Variants in RUVBL2 observed in about 807,000 individuals in gnomAD.
RUVBL2 encodes the protein RuvB like AAA ATPase 2.
RUVBL2 carries 9 observed loss-of-function variants against 57.9 expected under a neutral mutation model. That is an observed-to-expected ratio of 0.16 (90% CI 0.09 to 0.27). RUVBL2 has a LOEUF of 0.27. RUVBL2 is among the 10% of genes least tolerant of loss of function. RUVBL2 has a pLI of 1.00. For synonymous variants in RUVBL2, 278 were observed against 264.6 expected (o/e 1.05, Z -0.49); for missense variants, 456 against 669.6 (o/e 0.68, Z 3.52).
chr19:49,003,524 G>C (rs2039224197), intron 3 of RUVBL2, among the ~76,000 whole-genome samples, 190 bp downstream of exon 3: 1 of 152,178 alleles, frequency 6.6e-6, no homozygotes, highest in Non-Finnish European at 1.5e-5. Flanking sequence ...GGTGGCTCAT[G>C]CCTGTAATCT....
At chr19:48,994,136 G>A (rs1379940365) in intron 1 of RUVBL2, 2 of 598,720 alleles carry the variant, frequency 3.3e-6, no homozygotes, top group Admixed American at 5.8e-5. Context: ...GGAGGGGGCT[G>A]GGATCCCAGA....
intron 4 of RUVBL2, 109 bp from the exon 5 acceptor site, chr19:49,006,909 G>A: frequency 7.0e-7 from 1 of 1,424,142 alleles, no homozygotes; most frequent in South Asian, 1.3e-5. Context: ...ATGTAGGATG[G>A]CACTGAACCC....
intron 2 of RUVBL2, among the ~76,000 whole-genome samples, chr19:49,002,454 G>C (rs1387718681): frequency 6.6e-6 from 1 of 152,142 alleles, no homozygotes; most frequent in East Asian, 1.9e-4. Flanking sequence ...CCCTCTCGCT[G>C]GCTGTGTGGC....
chr19:49,003,398 G>A (rs1362656795), intron 3 of RUVBL2, 64 bp downstream of exon 3: 2 of 1,444,338 alleles, frequency 1.4e-6, no homozygotes, highest in East Asian at 2.3e-5. Flanking sequence ...TGGGTACCCA[G>A]GGTCCTGGGG....
Position 49,011,121 on chromosome 19 carries a change from G to C in RUVBL2, c.882+28G>C, listed in dbSNP as rs766861788. 11 of 1,607,466 alleles carry C rather than the reference G, an allele frequency of 6.8e-6. No homozygotes were observed. In the East Asian group the frequency reaches 2.5e-4, roughly 36 times the overall value. ...GAGGACCCAGGACATGGCCGGGGCG[G>C]GTGGTGGGGTGGAGGTGGGCCGGGG... On this transcript the variant is annotated intron_variant, in intron 10 of 14. Coordinates refer to ENST00000595090, the MANE Select transcript of RUVBL2 (RefSeq NM_006666.3). The surrounding 1 kb of genome is among the most constrained non-coding windows in gnomAD (Gnocchi z 4.4).
At chr19:48,999,610 C>T (rs1334092526) in intron 2 of RUVBL2, among the ~76,000 whole-genome samples, 1 of 152,018 alleles carries the variant, frequency 6.6e-6, no homozygotes, top group Non-Finnish European at 1.5e-5. Flanking sequence ...GTGGGGTTCC[C>T]GGGTATGTTT....
intron 2 of RUVBL2, among the ~76,000 whole-genome samples, chr19:49,000,517 G>A (rs1307734027): frequency 1.3e-5 from 2 of 152,162 alleles, no homozygotes; most frequent in Non-Finnish European, 2.9e-5. Flanking sequence ...TCATGCCATT[G>A]CACTCCAGCC....
chr19:48,999,337 C>T lies in RUVBL2; in HGVS notation c.31C>T (p.Pro11Ser). The T allele has an allele frequency of 2.5e-6, 4 of 1,614,184 alleles. 1 individual carries two copies. In the Middle Eastern group the frequency reaches 4.9e-4, roughly 200 times the overall value. The change falls in exon 2 of 15, where the codon CCG (proline) becomes TCG (serine). Residue 11 changes from proline to serine, a missense_variant. Transcript: ENST00000595090. ...CCCCCAGACAGCCACAACCAAAGTC[C>T]CGGAGATCCGTGATGTAACAAGGAT... MATVTATTKVPEIRDVTRIER... is the reference protein window; with the variant it reads MATVTATTKVSEIRDVTRIER...
At chr19:49,010,956 G>T (rs376941116) in intron 9 of RUVBL2, 43 bp from the exon 10 acceptor site, 1 of 1,551,342 alleles carries the variant, frequency 6.4e-7, no homozygotes, top group African/African-American at 1.4e-5. Flanking sequence ...CCTGGAACCC[G>T]CCTCCTCTCT....
intron 2 of RUVBL2, among the ~76,000 whole-genome samples, chr19:49,001,801 G>A (rs1170769142): frequency 1.3e-5 from 2 of 151,508 alleles, no homozygotes; most frequent in East Asian, 3.9e-4. Context: ...TAGTAGAGAC[G>A]TGGTTTCACT....
At chr19:49,009,301 T>A (rs886778637) in intron 6 of RUVBL2, among the ~76,000 whole-genome samples, 24 of 146,624 alleles carry the variant, frequency 1.6e-4, no homozygotes, top group Admixed American at 3.4e-4. Flanking sequence ...ATCCTGGCTA[T>A]CACAGTGAAA....
chr19:48,994,044 G>A (rs1485366701), intron 1 of RUVBL2, 121 bp downstream of exon 1: 1 of 1,230,954 alleles, frequency 8.1e-7, no homozygotes, highest in African/African-American at 1.5e-5. Flanking sequence ...TCAGACTCCT[G>A]GGTCTGAAAG....
At chr19:49,003,176 A>T in intron 2 of RUVBL2, 103 bp from the exon 3 acceptor site, 1 of 538,220 alleles carries the variant, frequency 1.9e-6, no homozygotes. Flanking sequence ...CCCTACTCCC[A>T]CCCACCCCTT....
chr19:49,001,990 G>GGCA (rs2039192817), intron 2 of RUVBL2, among the ~76,000 whole-genome samples: 1 of 152,172 alleles, frequency 6.6e-6, no homozygotes, highest in African/African-American at 2.4e-5. Flanking sequence ...GCAGTGCGAA[G>GGCA]GCAGCCACAG....
In RUVBL2 at chr19:49,010,588, A is replaced by G; in HGVS notation, c.764A>G (p.Gln255Arg). ...HEIDVINSRT[Q>R]GFLALFSGDT... Reference sequence around the variant, plus strand: ...ATCGACGTCATCAACTCTCGCACCCAGGGCTTCCTGGCGCTCTTCTCAGGT... The same window carrying G: ...ATCGACGTCATCAACTCTCGCACCCGGGGCTTCCTGGCGCTCTTCTCAGGT... The change falls in exon 9 of 15, where the codon CAG (glutamine) becomes CGG (arginine). Residue 255 changes from glutamine to arginine, a missense_variant. Physicochemically the swap from Gln to Arg is conservative, Grantham distance 43 (BLOSUM62 1). Transcript: ENST00000595090. 3 of 1,610,542 alleles carry G rather than the reference A, an allele frequency of 1.9e-6. No homozygotes were observed. Among genetic ancestry groups the G allele is most frequent in the Non-Finnish European group, 2.5e-6 (3 of 1,179,692 alleles).
Position 49,011,797 on chromosome 19 carries a change from C to T in RUVBL2, c.1001+487C>T, listed in dbSNP as rs1367714046. Among the ~76,000 whole-genome samples, 1 of 120,112 alleles carries T rather than the reference C, an allele frequency of 8.3e-6. No homozygotes were observed. Among genetic ancestry groups the T allele is most frequent in the Non-Finnish European group, 2.0e-5 (1 of 50,124 alleles). 78.8% of individuals were successfully genotyped at this position (120,112 alleles called of 152,430 possible). The stretch of plus-strand genomic sequence containing the variant: ...CTGCTGAAGCCTGGGAACCTCATCT[C>T]CCAGGTGTTGCCAGCACCCTGTGCA... On this transcript the variant is annotated intron_variant, in intron 11 of 14. Coordinates refer to ENST00000595090, the MANE Select transcript of RUVBL2 (RefSeq NM_006666.3). This position sits in a 1 kb window ranked among gnomAD's most constrained non-coding sequence, Gnocchi z 4.4.
intron 6 of RUVBL2, among the ~76,000 whole-genome samples, chr19:49,009,522 A>G (rs982622977): frequency 1.3e-4 from 20 of 152,136 alleles, no homozygotes; most frequent in Non-Finnish European, 2.5e-4. Context: ...TTTAATTGAC[A>G]TACAGAAAGC....
At chr19:49,015,188 G>C (rs897909338) in intron 13 of RUVBL2, 38 bp downstream of exon 13, 1 of 1,592,768 alleles carries the variant, frequency 6.3e-7, no homozygotes, top group South Asian at 1.1e-5. Context: ...CCAGATGGCG[G>C]CAGTGAGTGA....
chr19:49,014,941 C>T, intron 12 of RUVBL2, 80 bp from the exon 13 acceptor site: 1 of 1,524,160 alleles, frequency 6.6e-7, no homozygotes, highest in Non-Finnish European at 8.9e-7. Context: ...GGGGAAGGGC[C>T]AGAGGGTTGC....
Sources: gnomAD v4.1 joint callset for allele counts (sites outside exome capture counted in the v4.1 genomes callset) on GRCh38, gnomAD v4.1.1 for gene constraint, Gnocchi (gnomAD v3.1) non-coding constraint, MANE v1.5 for transcripts, NCBI Gene and HGNC (gene_info 2026-07-23, HGNC 2026-07-21) for gene names.